CEACAM7: variants seen among roughly 807,000 people sequenced by gnomAD.
CEACAM7 encodes the protein cell adhesion molecule CEACAM7.
CEACAM7 carries 24 observed loss-of-function variants against 25.7 expected under a neutral mutation model. That is an observed-to-expected ratio of 0.93 (90% CI 0.68 to 1.31). The LOEUF is 1.31. CEACAM7 is among the 40% of genes most tolerant of loss of function. The probability of loss-of-function intolerance (pLI) is 0.00; values close to 1 mark genes in which losing one functional copy is unlikely to be tolerated. For synonymous variants in CEACAM7, 144 were observed against 129.4 expected, an observed-to-expected ratio of 1.11 and a Z score of -0.77; for missense variants, 324 against 330.1, an observed-to-expected ratio of 0.98 and a Z score of 0.14.
At chr19:41,685,087 G>A (rs2122731048) in intron 2 of CEACAM7, among the ~76,000 whole-genome samples, 1 of 152,312 alleles carries the variant, frequency 6.6e-6, no homozygotes, top group South Asian at 2.1e-4. Context: ...CGCTGCACCT[G>A]GAGGAGGTCC....
intron 3 of CEACAM7, among the ~76,000 whole-genome samples, chr19:41,681,659 G>A (rs2072176934): frequency 6.6e-6 from 1 of 152,134 alleles, no homozygotes; most frequent in Admixed American, 6.5e-5. Flanking sequence ...CTCAAATTCT[G>A]ATACATACTA....
chr19:41,684,808 G>C (rs1170377429), intron 2 of CEACAM7, among the ~76,000 whole-genome samples: 1 of 152,216 alleles, frequency 6.6e-6, no homozygotes, highest in Non-Finnish European at 1.5e-5. Context: ...TTTACAAAGA[G>C]CTCCCTGTCC....
chr19:41,682,862 G>A (rs563349923), intron 3 of CEACAM7, among the ~76,000 whole-genome samples: 3 of 152,230 alleles, frequency 2.0e-5, no homozygotes, highest in African/African-American at 7.2e-5. Context: ...GACCCTTCCT[G>A]CTTTTCCCTC....
rs1006924162 is a variant in CEACAM7 at position 41,673,615 on chromosome 19, T to A, written c.*1161A>T. 5 of 152,230 alleles carry A rather than the reference T, an allele frequency of 3.3e-5. No homozygotes were observed. The East Asian group carries it at 9.6e-4, about 29-fold the overall frequency. 9.4% of individuals were successfully genotyped at this position (152,230 alleles called of 1,614,324 possible). A position where few individuals can be genotyped will look rare whatever the true frequency, so the allele number is the denominator to read the frequency against. On this transcript the variant is annotated 3_prime_UTR_variant, in exon 5 of 5. Coordinates refer to ENST00000401731, the MANE Select transcript of CEACAM7 (RefSeq NM_001291485.2). Reference sequence around the variant, plus strand: ...CTGGGATCTACCTGCTTCCTCATGTTTCAGTGTGAGTATATGGCATTTAGC... The same window carrying A: ...CTGGGATCTACCTGCTTCCTCATGTATCAGTGTGAGTATATGGCATTTAGC...
In CEACAM7 at chr19:41,683,975, A is replaced by G; in HGVS notation, c.516T>C (p.Thr172=). 6.2e-7 allele frequency: 1 copy of G among 1,614,154 alleles called. No homozygotes were observed. The highest frequency in any genetic ancestry group is 8.5e-7 in the Non-Finnish European group (1 of 1,180,024). Residue 172 remains threonine, a synonymous_variant, in exon 3 of 5, where the codon ACT becomes ACC. Coordinates refer to ENST00000401731, the MANE Select transcript of CEACAM7 (RefSeq NM_001291485.2). Reference sequence around the variant, plus strand: ...CCCACCACAGGTAGGTTGTGTTCTGAGTCTCAGGTTGACAGGTTAAAACCA... The same window carrying G: ...CCCACCACAGGTAGGTTGTGTTCTGGGTCTCAGGTTGACAGGTTAAAACCA... The part of the protein sequence containing the change: ...DIVVLTCQPE[T]QNTTYLWWVN...
In CEACAM7 at chr19:41,687,036, T is replaced by C. The variant is rs374364808; in HGVS notation, c.250A>G (p.Lys84Glu). The change falls in exon 2 of 5, where the codon AAA (lysine) becomes GAA (glutamate). Residue 84 changes from lysine (K) to glutamate (E), a missense_variant. Coordinates refer to ENST00000401731, the MANE Select transcript of CEACAM7 (RefSeq NM_001291485.2). ...HANYRIIGYV[K>E]NISQENAPGP... ...GGGGCATTTTCTTGACTTATATTTT[T>C]TACATATCCTATAATTCGATAGTTG... 4.3e-6 allele frequency: 7 copies of C among 1,614,022 alleles called. No homozygotes were observed. In the African/African-American group the frequency reaches 9.3e-5, roughly 22 times the overall value.
chr19:41,686,239 G>A (rs1555811176), intron 2 of CEACAM7, among the ~76,000 whole-genome samples: 1 of 152,114 alleles, frequency 6.6e-6, no homozygotes, highest in Non-Finnish European at 1.5e-5. Context: ...CATCCAGGGG[G>A]ACTGAGGTCC....
Position 41,687,221 on chromosome 19 carries a change from G to C in CEACAM7, c.65C>G (p.Ala22Gly). The C allele has an allele frequency of 1.3e-6, 2 of 1,591,432 alleles. No homozygotes were observed. Among genetic ancestry groups the C allele is most frequent in the Non-Finnish European group, 1.7e-6 (2 of 1,168,148 alleles). Residue 22 changes from alanine to glycine, a missense_variant and splice_region_variant, in exon 2 of 5, where the codon GCC becomes GGC. Transcript: ENST00000401731. The part of the protein sequence containing the change: ...CIPWQGLLLT[A>G]SLLTFWNLPN... ...CAGGTTCCAGAAGGTTAAAAGCGAG[G>C]CTAGGAGGGGGAGAGAACATCAGTC...
intron 2 of CEACAM7, among the ~76,000 whole-genome samples, chr19:41,686,576 G>C (rs782023551): frequency 7.2e-5 from 11 of 152,240 alleles, no homozygotes; most frequent in South Asian, 2.1e-4. Context: ...GTCTTTTTCA[G>C]GGGGAGGGCA....
At chr19:41,675,457 A>G (rs1287795711) in intron 4 of CEACAM7, among the ~76,000 whole-genome samples, 1 of 152,220 alleles carries the variant, frequency 6.6e-6, no homozygotes, top group Non-Finnish European at 1.5e-5. Context: ...ATCTAGTCCC[A>G]TGAAATTAAT....
At position 41,687,075 on chromosome 19, in the gene CEACAM7, C is replaced by T. The variant is rs1049234; in HGVS notation, c.211G>A (p.Glu71Lys). ...NLYGYNWYKG[E>K]RVHANYRIIG... ...ATTCGATAGTTGGCATGCACCCTTTCCCCTTTGTACCAGTTGTAGCCATAA... is the reference window on the plus strand; with the variant it reads ...ATTCGATAGTTGGCATGCACCCTTTTCCCTTTGTACCAGTTGTAGCCATAA... Residue 71 changes from glutamate (E) to lysine (K), a missense_variant, in exon 2 of 5, where the codon GAA becomes AAA. Transcript: ENST00000401731. 2.5e-6 allele frequency: 4 copies of T among 1,614,060 alleles called. No homozygotes were observed. The highest frequency in any genetic ancestry group is 2.2e-5 in the East Asian group (1 of 44,888).
intron 2 of CEACAM7, 68 bp from the exon 3 acceptor site, chr19:41,684,131 A>T (rs782594197): frequency 6.4e-7 from 1 of 1,562,064 alleles, no homozygotes; most frequent in Non-Finnish European, 8.7e-7. Flanking sequence ...ACATCTTTCA[A>T]TCAGAGTTGG....
chr19:41,677,629 A>C, intron 3 of CEACAM7, 126 bp from the exon 4 acceptor site: 1 of 626,216 alleles, frequency 1.6e-6, no homozygotes, highest in Non-Finnish European at 2.8e-6. Context: ...TTTTTGTGGG[A>C]AGGTTGCTGG....
At position 41,686,959 on chromosome 19, in the gene CEACAM7, C is replaced by T. The variant is rs781979089; in HGVS notation, c.327G>A (p.Leu109=). The change falls in exon 2 of 5, where the codon CTG becomes CTA. Residue 109 remains leucine (L), a synonymous_variant. Transcript: ENST00000401731. The part of the protein sequence containing the change: ...RETIYPNGTL[L]IQNVTHNDAG... Reference sequence around the variant, plus strand: ...CGTCATTGTGGGTGACGTTCTGGATCAGCAGGGTTCCATTGGGGTATATTG... The same window carrying T: ...CGTCATTGTGGGTGACGTTCTGGATTAGCAGGGTTCCATTGGGGTATATTG... The T allele has an allele frequency of 1.9e-6, 3 of 1,609,728 alleles. No homozygotes were observed. The highest frequency in any genetic ancestry group is 2.2e-5 in the South Asian group (2 of 90,538).
At chr19:41,676,668 G>C (rs73545142) in intron 4 of CEACAM7, among the ~76,000 whole-genome samples, 1 of 152,224 alleles carries the variant, frequency 6.6e-6, no homozygotes, top group Non-Finnish European at 1.5e-5. Flanking sequence ...TGAGTCTCAG[G>C]TTCACATACT....
Position 41,687,152 on chromosome 19 carries a change from A to C in CEACAM7, c.134T>G (p.Val45Gly). Residue 45 changes from valine to glycine, a missense_variant, in exon 2 of 5, where the codon GTC becomes GGC. Physicochemically the swap from Val to Gly is moderately radical, Grantham distance 109. Transcript: ENST00000401731. ...TAGAAGGACCTCCTTCCCTTCTGCGACATTGAACGGCACGACATCAATATT... is the reference window on the plus strand; with the variant it reads ...TAGAAGGACCTCCTTCCCTTCTGCGCCATTGAACGGCACGACATCAATATT... ...QTNIDVVPFN[V>G]AEGKEVLLVV... 1 of 1,614,060 alleles carries C rather than the reference A, an allele frequency of 6.2e-7. No individual in the cohort carries two copies. The highest frequency in any genetic ancestry group is 8.5e-7 in the Non-Finnish European group (1 of 1,179,966).
intron 3 of CEACAM7, among the ~76,000 whole-genome samples, chr19:41,679,787 TTCTC>T (rs141768655): frequency 1.8e-4 from 21 of 115,506 alleles, no homozygotes; most frequent in African/African-American, 4.8e-4. Flanking sequence ...CTCTGTCTCT[TTCTC>T]TCTCTCTCTC....
intron 3 of CEACAM7, among the ~76,000 whole-genome samples, chr19:41,678,311 ATG>A (rs1555810343): frequency 0.031 from 403 of 12,926 alleles, 3 homozygotes; most frequent in African/African-American, 0.069. Context: ...TGTTTCTCCC[ATG>A]TATATGTATA....
chr19:41,678,753 A>G (rs1486511079), intron 3 of CEACAM7, among the ~76,000 whole-genome samples: 1 of 152,252 alleles, frequency 6.6e-6, no homozygotes, highest in Non-Finnish European at 1.5e-5. Context: ...TTTATGAAAC[A>G]GTTCCTCTGC....
Sources: allele counts gnomAD v4.1 joint callset (sites outside exome capture counted in the v4.1 genomes callset), GRCh38; gene constraint gnomAD v4.1.1; transcripts MANE v1.5; gene names NCBI Gene and HGNC (gene_info 2026-07-23, HGNC 2026-07-21).